SLC44A1: variants seen among roughly 807,000 people sequenced by gnomAD.
The protein encoded by SLC44A1 is choline transporter-like protein 1.
A neutral mutation model predicts 79.3 loss-of-function variants in SLC44A1; 26 were observed. That is an observed-to-expected ratio of 0.33 (90% confidence interval 0.24 to 0.46). The LOEUF is 0.46. SLC44A1 is among the 20% of genes least tolerant of loss of function. The probability of loss-of-function intolerance (pLI) is 1.00; values close to 1 mark genes in which losing one functional copy is unlikely to be tolerated. For missense variants in SLC44A1, 688 were observed against 798.1 expected (o/e 0.86, Z 1.66); for synonymous variants, 263 against 286.2 (o/e 0.92, Z 0.82).
At chr9:105,424,317 T>C (rs1829292143) in intron 15 of SLC44A1, among the ~76,000 whole-genome samples, 1 of 152,204 alleles carries the variant, frequency 6.6e-6, no homozygotes. Context: ...CTCCAGATAC[T>C]TCTTCCTAAG....
At chr9:105,406,531 A>C (rs1251112962) in intron 15 of SLC44A1, among the ~76,000 whole-genome samples, 1 of 152,178 alleles carries the variant, frequency 6.6e-6, no homozygotes. Flanking sequence ...GCTTGAGGCC[A>C]GGAGTTCAAG....
At chr9:105,437,422 T>C (rs1272090807) in intron 15 of SLC44A1, among the ~76,000 whole-genome samples, 2 of 152,042 alleles carry the variant, frequency 1.3e-5, no homozygotes, top group Admixed American at 6.6e-5. Flanking sequence ...TAGATAAGTA[T>C]CTAGACAGAT....
chr9:105,362,713 A>G, intron 8 of SLC44A1, 108 bp from the exon 9 acceptor site: 2 of 681,358 alleles, frequency 2.9e-6, no homozygotes, highest in Non-Finnish European at 4.8e-6. Flanking sequence ...AATTCAAAGA[A>G]TGCTACCTCC....
At chr9:105,266,694 C>A (rs1829970585) in intron 1 of SLC44A1, among the ~76,000 whole-genome samples, 1 of 152,134 alleles carries the variant, frequency 6.6e-6, no homozygotes, top group Non-Finnish European at 1.5e-5. Context: ...ACTGTATGGT[C>A]TTAATTATTG....
intron 15 of SLC44A1, among the ~76,000 whole-genome samples, chr9:105,423,768 A>G (rs1829285746): frequency 6.6e-6 from 1 of 152,212 alleles, no homozygotes; most frequent in African/African-American, 2.4e-5. Context: ...TGTCATTTTG[A>G]GTCTTGCCAT....
At chr9:105,359,421 T>C (rs975079345) in intron 7 of SLC44A1, among the ~76,000 whole-genome samples, 4 of 152,030 alleles carry the variant, frequency 2.6e-5, no homozygotes, top group African/African-American at 9.7e-5. Context: ...AATTTTAGAA[T>C]TGAAAAAGAT....
chr9:105,393,789 C>T lies in SLC44A1; in HGVS notation c.*4733C>T, dbSNP rs1828818143. The stretch of plus-strand genomic sequence containing the variant: ...GAAAAACATGTGAGATTGTTCGAGA[C>T]CTATTAGGCTATTCTTCAGTTTTGA... On this transcript the variant is annotated 3_prime_UTR_variant, in exon 16 of 16. Coordinates refer to ENST00000374720, the MANE Select transcript of SLC44A1 (RefSeq NM_080546.5). 1.0e-6 allele frequency: 1 copy of T among 985,008 alleles called. No homozygotes were observed. 61.0% of individuals were successfully genotyped at this position (985,008 alleles called of 1,614,324 possible). A position where few individuals can be genotyped will look rare whatever the true frequency, so the allele number is the denominator to read the frequency against.
rs1196661386 is a variant in SLC44A1 at position 105,389,647 on chromosome 9, C to A, written c.*591C>A. ...CAATATGGGAATTTTCATAATAGTT[C>A]ATACATTTGTCAGCCAACATTAAAA... On this transcript the variant is annotated 3_prime_UTR_variant, in exon 16 of 16. Coordinates refer to ENST00000374720, the MANE Select transcript of SLC44A1 (RefSeq NM_080546.5). 3.3e-6 allele frequency: 4 copies of A among 1,225,378 alleles called. No homozygotes were observed. The highest frequency in any genetic ancestry group is 4.1e-6 in the Non-Finnish European group (4 of 982,702). 75.9% of individuals were successfully genotyped at this position (1,225,378 alleles called of 1,614,324 possible). A position where few individuals can be genotyped will look rare whatever the true frequency, so the allele number is the denominator to read the frequency against.
At chr9:105,334,213 G>A (rs1826839373) in intron 3 of SLC44A1, among the ~76,000 whole-genome samples, 1 of 151,390 alleles carries the variant, frequency 6.6e-6, no homozygotes, top group South Asian at 2.1e-4. Context: ...TAATGGGTTT[G>A]GAGTCACTGA....
At chr9:105,297,294 A>T (rs1257522392) in intron 1 of SLC44A1, among the ~76,000 whole-genome samples, 2 of 150,852 alleles carry the variant, frequency 1.3e-5, no homozygotes, top group African/African-American at 5.0e-5. Context: ...CTCATTGTTG[A>T]TAGGCAGATA....
At chr9:105,264,589 A>G (rs141084621) in intron 1 of SLC44A1, among the ~76,000 whole-genome samples, 3 of 152,324 alleles carry the variant, frequency 2.0e-5, no homozygotes, top group African/African-American at 7.2e-5. Context: ...CCAGCTTTCT[A>G]TTAATATGCA....
intron 1 of SLC44A1, among the ~76,000 whole-genome samples, chr9:105,275,740 CT>C (rs1830183539): frequency 6.6e-6 from 1 of 151,900 alleles, no homozygotes; most frequent in African/African-American, 2.4e-5. Flanking sequence ...AGTGCTACTG[CT>C]TTTTGCCCCC....
chr9:105,364,324 A>G (rs1199096435), intron 9 of SLC44A1, among the ~76,000 whole-genome samples: 2 of 152,236 alleles, frequency 1.3e-5, no homozygotes, highest in South Asian at 2.1e-4. Context: ...ATTAAATATA[A>G]CAACTTTTAA....
chr9:105,345,487 A>G (rs951070629), intron 4 of SLC44A1, among the ~76,000 whole-genome samples: 4 of 152,158 alleles, frequency 2.6e-5, no homozygotes, highest in South Asian at 2.1e-4. Context: ...AGTATTAGCA[A>G]TGGCACAAAG....
chr9:105,271,690 G>A (rs1222320463), intron 1 of SLC44A1, among the ~76,000 whole-genome samples: 1 of 151,862 alleles, frequency 6.6e-6, no homozygotes, highest in African/African-American at 2.4e-5. Context: ...CTCAGCACAC[G>A]GCAACCTCCA....
At chr9:105,385,849 G>C in intron 15 of SLC44A1, 1 of 985,376 alleles carries the variant, frequency 1.0e-6, no homozygotes. Context: ...ACATTTTGGT[G>C]TACACTTGAA....
At chr9:105,431,781 T>C (rs758161238) in intron 15 of SLC44A1, among the ~76,000 whole-genome samples, 10 of 152,222 alleles carry the variant, frequency 6.6e-5, no homozygotes, top group Admixed American at 3.9e-4. Flanking sequence ...CAAAATCACC[T>C]GATAAATATT....
In SLC44A1 at chr9:105,363,965, T is replaced by C. The variant is rs185507939; in HGVS notation, c.1088-590T>C. Among the ~76,000 whole-genome samples, 21 of 152,354 alleles carry C rather than the reference T, an allele frequency of 1.4e-4. 1 individual carries two copies. The highest frequency in any genetic ancestry group is 1.2e-3 in the Admixed American group (19 of 15,310). ...CAAATCCCAGGTATAGCCAAGGATC[T>C]ACTTACTTCCTTGGGATTTTCTGGT... On this transcript the variant is annotated intron_variant, in intron 9 of 15. Transcript: ENST00000374720.
intron 1 of SLC44A1, among the ~76,000 whole-genome samples, chr9:105,264,562 C>T (rs1829916485): frequency 6.6e-6 from 1 of 152,196 alleles, no homozygotes; most frequent in African/African-American, 2.4e-5. Flanking sequence ...TCGTGGTTGT[C>T]TTGTTCTACT....
Sources: allele counts gnomAD v4.1 joint callset (sites outside exome capture counted in the v4.1 genomes callset), GRCh38; gene constraint gnomAD v4.1.1; transcripts MANE v1.5; gene names NCBI Gene and HGNC (gene_info 2026-07-23, HGNC 2026-07-21).